The following CCDC73 variants were observed in gnomAD, a reference collection of about 807,000 sequenced individuals.
CCDC73 encodes coiled-coil domain-containing protein 73.
In CCDC73, 95 loss-of-function variants were observed where a neutral mutation model predicts 116.5. The ratio of observed to expected loss-of-function variants is 0.82; its 90% confidence interval spans 0.69 to 0.97. The LOEUF (loss-of-function observed/expected upper bound fraction) is 0.97, where lower values mean the gene tolerates loss of function less well. Among genes scored for constraint, CCDC73 ranks in the 50% least tolerant of loss-of-function variants. The pLI is 0.00. For synonymous variants in CCDC73, 398 were observed against 401.3 expected, an observed-to-expected ratio of 0.99 and a Z score of 0.10; for missense variants, 1,066 against 1,206.8, an observed-to-expected ratio of 0.88 and a Z score of 1.73.
intron 6 of CCDC73, among the ~76,000 whole-genome samples, chr11:32,692,718 C>T (rs1278810414): frequency 6.6e-6 from 1 of 152,118 alleles, no homozygotes; most frequent in Non-Finnish European, 1.5e-5. Flanking sequence ...AGAATGCAGA[C>T]ACTGTTTTAC....
At chr11:32,658,023 T>TAAAAAAA (rs11309519) in intron 9 of CCDC73, among the ~76,000 whole-genome samples, 3 of 132,956 alleles carry the variant, frequency 2.3e-5, no homozygotes, top group African/African-American at 8.7e-5. Flanking sequence ...CTAGTCTCTT[T>TAAAAAAA]AAAAAAAAAA....
intron 14 of CCDC73, among the ~76,000 whole-genome samples, chr11:32,631,483 G>C (rs1855629360): frequency 6.6e-6 from 1 of 152,068 alleles, no homozygotes; most frequent in Non-Finnish European, 1.5e-5. Flanking sequence ...TATTTCCAAT[G>C]GGTGATACTC....
intron 6 of CCDC73, among the ~76,000 whole-genome samples, chr11:32,689,052 T>G (rs1299914905): frequency 6.6e-6 from 1 of 152,086 alleles, no homozygotes; most frequent in Admixed American, 6.6e-5. Flanking sequence ...GAAAGGAATC[T>G]AGAAGAACAG....
At chr11:32,794,037 A>C (rs1333805433) in intron 1 of CCDC73, among the ~76,000 whole-genome samples, 2 of 152,164 alleles carry the variant, frequency 1.3e-5, no homozygotes, top group Non-Finnish European at 2.9e-5. Context: ...AGCAGAATGA[A>C]GAAAAAATAG....
chr11:32,641,435 T>A (rs7115208), intron 13 of CCDC73, among the ~76,000 whole-genome samples: 24 of 151,810 alleles, frequency 1.6e-4, no homozygotes, highest in African/African-American at 5.5e-4. Flanking sequence ...AAAATATGAT[T>A]TAAGGAAACA....
At chr11:32,700,556 T>C (rs764299337) in intron 5 of CCDC73, among the ~76,000 whole-genome samples, 36 of 152,234 alleles carry the variant, frequency 2.4e-4, no homozygotes, top group Non-Finnish European at 3.1e-4. Context: ...GCAAGTCATT[T>C]AATCTTGTTA....
chr11:32,725,876 T>C (rs528824988), intron 2 of CCDC73, among the ~76,000 whole-genome samples: 1 of 152,274 alleles, frequency 6.6e-6, no homozygotes, highest in Admixed American at 6.5e-5. Flanking sequence ...CCAGCAGTCT[T>C]ATGAGGATAG....
At chr11:32,670,784 T>C (rs907351255) in intron 9 of CCDC73, among the ~76,000 whole-genome samples, 1 of 152,190 alleles carries the variant, frequency 6.6e-6, no homozygotes, top group African/African-American at 2.4e-5. Flanking sequence ...CTAAGTCTTG[T>C]AGGAGATACT....
chr11:32,670,784 T>G (rs907351255), intron 9 of CCDC73, among the ~76,000 whole-genome samples: 1 of 152,190 alleles, frequency 6.6e-6, no homozygotes, highest in Admixed American at 6.5e-5. Flanking sequence ...CTAAGTCTTG[T>G]AGGAGATACT....
the CCDC73 span, among the ~76,000 whole-genome samples, chr11:32,824,115 G>T: frequency 7.2e-5 from 11 of 152,072 alleles, no homozygotes; most frequent in African/African-American, 2.2e-4. Flanking sequence ...GGCTGGTCTC[G>T]AATTCCTGAC....
At chr11:32,672,272 G>C (rs1318446530) in intron 9 of CCDC73, among the ~76,000 whole-genome samples, 1 of 152,126 alleles carries the variant, frequency 6.6e-6, no homozygotes, top group African/African-American at 2.4e-5. Context: ...AACCCAGGAG[G>C]CAGAGGTTGC....
At chr11:32,791,925 A>G (rs1850679929) in intron 1 of CCDC73, among the ~76,000 whole-genome samples, 1 of 151,914 alleles carries the variant, frequency 6.6e-6, no homozygotes, top group Admixed American at 6.6e-5. Flanking sequence ...AGATCACGCC[A>G]CTGTACTACA....
At chr11:32,714,570 C>A (rs1273226367) in intron 3 of CCDC73, among the ~76,000 whole-genome samples, 1 of 152,090 alleles carries the variant, frequency 6.6e-6, no homozygotes, top group Non-Finnish European at 1.5e-5. Flanking sequence ...CAGTAGCTAA[C>A]CCCTGGGGAA....
intron 14 of CCDC73, among the ~76,000 whole-genome samples, chr11:32,628,012 T>A (rs986800156): frequency 1.3e-5 from 2 of 152,172 alleles, no homozygotes; most frequent in African/African-American, 2.4e-5. Flanking sequence ...ATTACAGAGC[T>A]CTTTAAAAAT....
intron 2 of CCDC73, among the ~76,000 whole-genome samples, chr11:32,747,068 T>TA (rs1431487047): frequency 6.6e-6 from 1 of 152,232 alleles, no homozygotes; most frequent in Non-Finnish European, 1.5e-5. Flanking sequence ...TGGTTTTATC[T>TA]ACCTTTGGTC....
chr11:32,813,141 G>T, the CCDC73 span, among the ~76,000 whole-genome samples: 1 of 151,622 alleles, frequency 6.6e-6, no homozygotes, highest in Non-Finnish European at 1.5e-5. Flanking sequence ...TATTTCTTCC[G>T]TTTTGTGAAT....
chr11:32,615,820 G>C (rs766505077), intron 15 of CCDC73, 120 bp downstream of exon 15: 3 of 969,454 alleles, frequency 3.1e-6, no homozygotes, highest in Non-Finnish European at 4.4e-6. Context: ...GCAGAAACCA[G>C]AATCCAAAAA....
At chr11:32,820,739 G>A in the CCDC73 span, among the ~76,000 whole-genome samples, 3 of 152,092 alleles carry the variant, frequency 2.0e-5, no homozygotes, top group African/African-American at 7.2e-5. Context: ...AACTGAATGT[G>A]TCATTATTTT....
intron 6 of CCDC73, among the ~76,000 whole-genome samples, chr11:32,690,479 T>C (rs959823750): frequency 6.6e-6 from 1 of 152,148 alleles, no homozygotes. Flanking sequence ...TCATGTCAAA[T>C]TGTAATCCCC....
Sources: allele counts gnomAD v4.1 joint callset (sites outside exome capture counted in the v4.1 genomes callset), GRCh38; gene constraint gnomAD v4.1.1; transcripts MANE v1.5; gene names NCBI Gene and HGNC (gene_info 2026-07-23, HGNC 2026-07-21).